Variants in ROBO2 observed in about 807,000 individuals in gnomAD.
The protein encoded by ROBO2 is roundabout guidance receptor 2.
Under a neutral mutation model 160.8 loss-of-function variants are expected in ROBO2, and 53 were observed. The observed-to-expected ratio is 0.33, with a 90% confidence interval of 0.26 to 0.41. The LOEUF is 0.41. ROBO2 is among the 10% of genes least tolerant of loss of function. ROBO2 has a pLI of 1.00. For missense variants in ROBO2, 1,577 were observed against 1,722.4 expected (o/e 0.92, Z 1.49); for synonymous variants, 664 against 611.7 (o/e 1.09, Z -1.26).
At chr3:76,217,589 T>A (rs1445896360) in intron 2 of ROBO2, among the ~76,000 whole-genome samples, 1 of 152,064 alleles carries the variant, frequency 6.6e-6, no homozygotes, top group East Asian at 1.9e-4. Flanking sequence ...CCTCGAAACA[T>A]ACACTCTCCC....
At chr3:76,581,897 TATC>T (rs1276346637) in intron 2 of ROBO2, among the ~76,000 whole-genome samples, 1 of 152,220 alleles carries the variant, frequency 6.6e-6, no homozygotes, top group African/African-American at 2.4e-5. Context: ...TCTCTAATTT[TATC>T]ATGAATTTGT....
intron 2 of ROBO2, among the ~76,000 whole-genome samples, chr3:77,328,675 C>A (rs998840799): frequency 2.0e-5 from 3 of 152,082 alleles, no homozygotes; most frequent in African/African-American, 7.2e-5. Flanking sequence ...TAGTTCAGAA[C>A]CTTTTCACAT....
intron 2 of ROBO2, among the ~76,000 whole-genome samples, chr3:76,485,649 T>G (rs1402394055): frequency 6.6e-6 from 1 of 152,200 alleles, no homozygotes; most frequent in Non-Finnish European, 1.5e-5. Context: ...GAGCAAAGGC[T>G]ATACATCTCT....
At chr3:76,215,590 C>T (rs369394527) in intron 2 of ROBO2, among the ~76,000 whole-genome samples, 24 of 152,004 alleles carry the variant, frequency 1.6e-4, no homozygotes, top group East Asian at 1.5e-3. Context: ...TGAAATGAAG[C>T]GTGAAGAGAA....
intron 2 of ROBO2, among the ~76,000 whole-genome samples, chr3:76,802,609 T>G (rs1386310385): frequency 6.6e-6 from 1 of 151,524 alleles, no homozygotes; most frequent in Non-Finnish European, 1.5e-5. Flanking sequence ...GCACCTGTAG[T>G]CCCAGCTACT....
At position 76,833,009 on chromosome 3, in the gene ROBO2, A is replaced by C. The variant is rs2067218727; in HGVS notation, c.110-265005A>C. On this transcript the variant is annotated intron_variant, in intron 2 of 26. Transcript: ENST00000487694. ...AAGGGAGAGGTTAAAGTTCAATTTTAGGGAGAAAAAATTATATATAACATG... is the reference window on the plus strand; with the variant it reads ...AAGGGAGAGGTTAAAGTTCAATTTTCGGGAGAAAAAATTATATATAACATG... 2.0e-5 allele frequency among the ~76,000 whole-genome samples: 3 copies of C among 152,168 alleles called. No homozygotes were observed. In the South Asian group the frequency reaches 6.2e-4, roughly 31 times the overall value.
intron 2 of ROBO2, among the ~76,000 whole-genome samples, chr3:76,017,084 C>A (rs2066425930): frequency 1.3e-5 from 2 of 152,132 alleles, no homozygotes; most frequent in African/African-American, 2.4e-5. Context: ...GGAAAGAATG[C>A]CTTTTCTTCT....
At chr3:76,555,121 G>T (rs2083628205) in intron 2 of ROBO2, among the ~76,000 whole-genome samples, 1 of 151,942 alleles carries the variant, frequency 6.6e-6, no homozygotes, top group Non-Finnish European at 1.5e-5. Context: ...TCTATGAAAT[G>T]GAGGACATTC....
At chr3:77,011,254 T>G (rs2061903799) in intron 2 of ROBO2, among the ~76,000 whole-genome samples, 1 of 152,098 alleles carries the variant, frequency 6.6e-6, no homozygotes. Context: ...TATAGTGTGT[T>G]TTGTTTGCTA....
chr3:77,043,563 A>G (rs1478318289), intron 1 of ROBO2, among the ~76,000 whole-genome samples: 1 of 152,170 alleles, frequency 6.6e-6, no homozygotes, highest in African/African-American at 2.4e-5. Context: ...TCTATTTGGG[A>G]TGTAAATAAT....
At chr3:77,575,968 T>A (rs747547739) in intron 14 of ROBO2, among the ~76,000 whole-genome samples, 13 of 152,032 alleles carry the variant, frequency 8.6e-5, no homozygotes, top group Non-Finnish European at 1.5e-5. Flanking sequence ...AGCTGGGCTG[T>A]GTCTGGGAAT....
At chr3:77,223,244 T>G (rs1580148261) in intron 2 of ROBO2, among the ~76,000 whole-genome samples, 1 of 152,116 alleles carries the variant, frequency 6.6e-6, no homozygotes, top group Middle Eastern at 3.4e-3. Context: ...TTGAAAGGAG[T>G]TTAAGAATAT....
chr3:77,139,962 C>T (rs2076575976), intron 2 of ROBO2, among the ~76,000 whole-genome samples: 1 of 152,158 alleles, frequency 6.6e-6, no homozygotes, highest in African/African-American at 2.4e-5. Flanking sequence ...CTCCTCATGA[C>T]CAGCTGAAAG....
intron 2 of ROBO2, among the ~76,000 whole-genome samples, chr3:75,969,955 G>A (rs995111837): frequency 2.0e-5 from 3 of 151,536 alleles, no homozygotes; most frequent in Non-Finnish European, 4.4e-5. Flanking sequence ...AAAAACCATT[G>A]TCAAGGCCAA....
chr3:76,879,837 A>G (rs2148734948), intron 2 of ROBO2, among the ~76,000 whole-genome samples: 1 of 152,280 alleles, frequency 6.6e-6, no homozygotes, highest in Non-Finnish European at 1.5e-5. Context: ...GATTAACAAA[A>G]GATGACACTA....
chr3:76,060,594 A>G (rs543941866), intron 2 of ROBO2, among the ~76,000 whole-genome samples: 9 of 152,328 alleles, frequency 5.9e-5, no homozygotes, highest in Middle Eastern at 3.4e-3. Flanking sequence ...ACTGTCACTG[A>G]GGATTTCCAT....
At chr3:76,859,176 C>T (rs2070464791) in intron 2 of ROBO2, among the ~76,000 whole-genome samples, 1 of 151,946 alleles carries the variant, frequency 6.6e-6, no homozygotes, top group South Asian at 2.1e-4. Flanking sequence ...AAGAAGAAGT[C>T]AAGGGTGAAA....
chr3:77,116,938 A>G (rs931750187), intron 2 of ROBO2, among the ~76,000 whole-genome samples: 5 of 152,164 alleles, frequency 3.3e-5, no homozygotes, highest in African/African-American at 1.2e-4. Context: ...AGGACTCATA[A>G]CACATTTTCT....
At chr3:76,809,188 T>C (rs925555579) in intron 2 of ROBO2, among the ~76,000 whole-genome samples, 3 of 152,214 alleles carry the variant, frequency 2.0e-5, no homozygotes, top group African/African-American at 4.8e-5. Context: ...GCTGGCCTTC[T>C]GCTCAGGATT....
Sources: allele counts gnomAD v4.1 joint callset (sites outside exome capture counted in the v4.1 genomes callset), GRCh38; gene constraint gnomAD v4.1.1; transcripts MANE v1.5; gene names NCBI Gene and HGNC (gene_info 2026-07-23, HGNC 2026-07-21).